The following CDH13 variants were observed in gnomAD, a reference collection of about 807,000 sequenced individuals.
The protein encoded by CDH13 is cadherin 13, also known as cadherin-13.
CDH13 carries 24 observed loss-of-function variants against 63.8 expected under a neutral mutation model. The observed-to-expected ratio is 0.38, with a 90% CI of 0.27 to 0.53. CDH13 has a LOEUF of 0.53. Ranked by LOEUF, CDH13 falls within the 20% of genes least tolerant of loss-of-function variation. The probability of loss-of-function intolerance (pLI) is 0.85; values close to 1 mark genes in which losing one functional copy is unlikely to be tolerated. For missense variants in CDH13, 1,049 were observed against 903.1 expected (o/e 1.16, Z -2.07); for synonymous variants, 503 against 355.3 (o/e 1.42, Z -4.67).
In CDH13 at chr16:82,858,419, G is replaced by T; in HGVS notation, c.103G>T (p.Val35Leu). The part of the protein sequence containing the change: ...LDCTPGFQQK[V>L]FHINQPAEFI... ...CTGCACTCCTGGATTTCAGCAGAAAGTGTTCCATATCAATCAGCCAGCTGA... is the reference window on the plus strand; with the variant it reads ...CTGCACTCCTGGATTTCAGCAGAAATTGTTCCATATCAATCAGCCAGCTGA... Residue 35 changes from valine (V) to leucine (L), a missense_variant, in exon 2 of 14, where the codon GTG becomes TTG. Coordinates refer to ENST00000567109, the MANE Select transcript of CDH13 (RefSeq NM_001257.5). The T allele has an allele frequency of 6.2e-7, 1 of 1,613,904 alleles. No homozygotes were observed. Among genetic ancestry groups the T allele is most frequent in the Non-Finnish European group, 8.5e-7 (1 of 1,179,784 alleles).
intron 1 of CDH13, among the ~76,000 whole-genome samples, chr16:82,717,223 G>A (rs759541641): frequency 3.9e-5 from 6 of 151,916 alleles, no homozygotes; most frequent in Admixed American, 1.3e-4. Context: ...TGCATAAGAG[G>A]ATGCCAAATC....
intron 7 of CDH13, among the ~76,000 whole-genome samples, chr16:83,487,235 C>G (rs2073910234): frequency 6.6e-6 from 1 of 152,230 alleles, no homozygotes; most frequent in African/African-American, 2.4e-5. Flanking sequence ...GTCCACATGC[C>G]TGCTCTTTCG....
chr16:82,899,663 G>C (rs977380606), intron 2 of CDH13, among the ~76,000 whole-genome samples: 2 of 152,096 alleles, frequency 1.3e-5, no homozygotes, highest in South Asian at 4.1e-4. Flanking sequence ...AGTTTATTGA[G>C]AGCATTTTTG....
At chr16:82,773,707 T>A (rs2151100582) in intron 1 of CDH13, among the ~76,000 whole-genome samples, 1 of 152,312 alleles carries the variant, frequency 6.6e-6, no homozygotes, top group East Asian at 1.9e-4. Flanking sequence ...AAACTGAAAA[T>A]AAATCTTGCC....
At chr16:82,750,734 C>T (rs1258830467) in intron 1 of CDH13, among the ~76,000 whole-genome samples, 1 of 152,052 alleles carries the variant, frequency 6.6e-6, no homozygotes, top group Non-Finnish European at 1.5e-5. Context: ...TCTAAGTCCA[C>T]CTGGAGCTTA....
At chr16:83,338,278 C>T (rs1275458254) in intron 5 of CDH13, among the ~76,000 whole-genome samples, 2 of 151,870 alleles carry the variant, frequency 1.3e-5, no homozygotes, top group African/African-American at 4.8e-5. Flanking sequence ...CTACAGAGTC[C>T]ACCAGCCTAG....
At chr16:83,646,043 G>A (rs1440876049) in intron 8 of CDH13, among the ~76,000 whole-genome samples, 2 of 152,304 alleles carry the variant, frequency 1.3e-5, no homozygotes, top group African/African-American at 4.8e-5. Context: ...AAGCCTTGGA[G>A]CTGTATGGGT....
intron 2 of CDH13, among the ~76,000 whole-genome samples, chr16:82,963,424 ACGTC>A (rs773655305): frequency 3.3e-5 from 5 of 152,058 alleles, no homozygotes; most frequent in Non-Finnish European, 5.9e-5. Flanking sequence ...CCAGCAAGGA[ACGTC>A]CTTTCTCAAT....
intron 9 of CDH13, among the ~76,000 whole-genome samples, chr16:83,673,750 G>A (rs530704554): frequency 1.1e-4 from 17 of 152,330 alleles, no homozygotes; most frequent in African/African-American, 3.8e-4. Flanking sequence ...CAGACCTGCT[G>A]TGTCAGAATA....
chr16:83,521,804 A>G (rs952371960), intron 7 of CDH13, among the ~76,000 whole-genome samples: 2 of 152,230 alleles, frequency 1.3e-5, no homozygotes, highest in Non-Finnish European at 2.9e-5. Context: ...TGGTTCTGCC[A>G]CTGACCTTGA....
chr16:82,693,004 C>T (rs1162032050), intron 1 of CDH13, among the ~76,000 whole-genome samples: 1 of 152,190 alleles, frequency 6.6e-6, no homozygotes, highest in Non-Finnish European at 1.5e-5. Context: ...TAGATTCTCT[C>T]TCTTGCTGGC....
chr16:82,838,374 G>A (rs1425824306), intron 1 of CDH13, among the ~76,000 whole-genome samples: 1 of 152,120 alleles, frequency 6.6e-6, no homozygotes, highest in Non-Finnish European at 1.5e-5. Context: ...GGTGGTAGGT[G>A]TTCAATATTT....
intron 5 of CDH13, among the ~76,000 whole-genome samples, chr16:83,340,361 T>G (rs1022813048): frequency 2.0e-5 from 3 of 152,108 alleles, no homozygotes; most frequent in Non-Finnish European, 4.4e-5. Flanking sequence ...CAGATAGACC[T>G]ACAAACATCT....
At chr16:83,746,152 C>T (rs970196950) in intron 10 of CDH13, among the ~76,000 whole-genome samples, 6 of 152,178 alleles carry the variant, frequency 3.9e-5, no homozygotes, top group African/African-American at 1.4e-4. Context: ...TTTATTCTCC[C>T]ACAGTTCTGG....
At chr16:82,648,269 C>T (rs1013772952) in intron 1 of CDH13, among the ~76,000 whole-genome samples, 1 of 152,096 alleles carries the variant, frequency 6.6e-6, no homozygotes, top group Non-Finnish European at 1.5e-5. Context: ...GAGGTAAATA[C>T]AGGAAAATAT....
At chr16:83,066,039 G>C (rs2031984421) in intron 3 of CDH13, among the ~76,000 whole-genome samples, 1 of 152,174 alleles carries the variant, frequency 6.6e-6, no homozygotes, top group African/African-American at 2.4e-5. Flanking sequence ...AATGTCTTAA[G>C]CATAAGAGCT....
chr16:83,012,758 T>C (rs1239186142), intron 2 of CDH13, among the ~76,000 whole-genome samples: 2 of 152,176 alleles, frequency 1.3e-5, no homozygotes, highest in Non-Finnish European at 2.9e-5. Context: ...CACTTCAGGG[T>C]ATATTTATTT....
chr16:83,515,059 G>A (rs952503019), intron 7 of CDH13, among the ~76,000 whole-genome samples: 6 of 152,146 alleles, frequency 3.9e-5, no homozygotes, highest in Non-Finnish European at 5.9e-5. Flanking sequence ...AGCTTCGGGG[G>A]TAGGAATCTA....
chr16:83,350,798 C>T (rs972607992), intron 6 of CDH13, among the ~76,000 whole-genome samples: 2 of 152,136 alleles, frequency 1.3e-5, no homozygotes, highest in East Asian at 1.9e-4. Flanking sequence ...GATAGGAGGC[C>T]GCTCTGAAGA....
Sources: allele counts gnomAD v4.1 joint callset (sites outside exome capture counted in the v4.1 genomes callset), GRCh38; gene constraint gnomAD v4.1.1; transcripts MANE v1.5; gene names NCBI Gene and HGNC (gene_info 2026-07-23, HGNC 2026-07-21).